The following KIRREL3 variants were observed in gnomAD, a reference collection of about 807,000 sequenced individuals.
KIRREL3 encodes the protein kirre like nephrin family adhesion molecule 3, also known as kin of IRRE-like protein 3.
Under a neutral mutation model 89.7 loss-of-function variants are expected in KIRREL3, and 36 were observed. The ratio of observed to expected loss-of-function variants is 0.40; its 90% CI spans 0.31 to 0.53. KIRREL3 has a LOEUF of 0.53. KIRREL3 is among the 20% of genes least tolerant of loss of function. The probability of loss-of-function intolerance (pLI) is 0.49; values close to 1 mark genes in which losing one functional copy is unlikely to be tolerated. For missense variants in KIRREL3, 864 were observed against 1,056.6 expected (o/e 0.82, Z 2.53); for synonymous variants, 445 against 441.4 (o/e 1.01, Z -0.10).
chr11:126,714,795 C>G (rs1947895302), intron 1 of KIRREL3, among the ~76,000 whole-genome samples: 1 of 152,180 alleles, frequency 6.6e-6, no homozygotes, highest in Non-Finnish European at 1.5e-5. Flanking sequence ...AAACTACTTG[C>G]ATTTGAATCC....
chr11:126,579,626 AC>A lies in KIRREL3; in HGVS notation c.56-16715del, dbSNP rs1555152357. On this transcript the variant is annotated intron_variant, in intron 1 of 16. Coordinates refer to ENST00000525144, the MANE Select transcript of KIRREL3 (RefSeq NM_032531.4). This position sits in a 1 kb window ranked among gnomAD's most constrained non-coding sequence, Gnocchi z 5.3. ...AGGGTACAAAGGAGGCAAATGCACC[AC>A]CTGTGGCCCTAGAGTGGGGAGCATT... Among the ~76,000 whole-genome samples, 1 of 140,352 alleles carries A rather than the reference AC, an allele frequency of 7.1e-6. No homozygotes were observed. Among genetic ancestry groups the A allele is most frequent in the Admixed American group, 7.2e-5 (1 of 13,856 alleles). 92.1% of individuals were successfully genotyped at this position (140,352 alleles called of 152,430 possible). A position where few individuals can be genotyped will look rare whatever the true frequency, so the allele number is the denominator to read the frequency against.
chr11:126,571,934 G>A lies in KIRREL3; in HGVS notation c.56-9022C>T, dbSNP rs1479510564. ...TCATGAAGGCCATTCCTGTCCTCCA[G>A]TCTGTCTTCCACACACCCTGTGAGG... On this transcript the variant is annotated intron_variant, in intron 1 of 16. Coordinates refer to ENST00000525144, the MANE Select transcript of KIRREL3 (RefSeq NM_032531.4). The surrounding 1 kb of genome is among the most constrained non-coding windows in gnomAD (Gnocchi z 7.7). Among the ~76,000 whole-genome samples, 3 of 152,200 alleles carry A rather than the reference G, an allele frequency of 2.0e-5. No individual in the cohort carries two copies. Among genetic ancestry groups the A allele is most frequent in the Non-Finnish European group, 1.5e-5 (1 of 68,034 alleles).
rs944834725 is a variant in KIRREL3, at chr11:126,778,183, A to G, written c.56-215271T>C. On this transcript the variant is annotated intron_variant, in intron 1 of 16. Transcript: ENST00000525144. This position sits in a 1 kb window ranked among gnomAD's most constrained non-coding sequence, Gnocchi z 4.5. ...TCCTACACCCTTTCTAGGGTTGTAT[A>G]TTCATGAGATTCACATGCACATATT... Among the ~76,000 whole-genome samples, 1 of 152,244 alleles carries G rather than the reference A, an allele frequency of 6.6e-6. No homozygotes were observed. Among genetic ancestry groups the G allele is most frequent in the Non-Finnish European group, 1.5e-5 (1 of 68,036 alleles).
In KIRREL3 at chr11:126,904,447, G is replaced by A. The variant is rs1946495371; in HGVS notation, c.55+96008C>T. Among the ~76,000 whole-genome samples, 1 of 152,188 alleles carries A rather than the reference G, an allele frequency of 6.6e-6. No homozygotes were observed. The highest frequency in any genetic ancestry group is 1.5e-5 in the Non-Finnish European group (1 of 68,036). ...ATAGTGCAACTGATAAAAGGAACCT[G>A]CTCCAAAGCAATGTTAACATAGCAG... On this transcript the variant is annotated intron_variant, in intron 1 of 16. Transcript: ENST00000525144. The surrounding 1 kb of genome is among the most constrained non-coding windows in gnomAD (Gnocchi z 4.4).
intron 13 of KIRREL3, among the ~76,000 whole-genome samples, chr11:126,433,122 G>T (rs865933378): frequency 6.6e-6 from 1 of 152,178 alleles, no homozygotes; most frequent in Non-Finnish European, 1.5e-5. Flanking sequence ...CAGGTGATCC[G>T]CCCGCCTCAG....
At chr11:126,437,340 C>T (rs1197189246) in intron 11 of KIRREL3, among the ~76,000 whole-genome samples, 1 of 152,116 alleles carries the variant, frequency 6.6e-6, no homozygotes, top group Non-Finnish European at 1.5e-5. Context: ...TATATACATA[C>T]TACACACACC....
Position 126,641,551 on chromosome 11 carries a change from G to A in KIRREL3, c.56-78639C>T, listed in dbSNP as rs966871234. On this transcript the variant is annotated intron_variant, in intron 1 of 16. Transcript: ENST00000525144. The surrounding 1 kb of genome is among the most constrained non-coding windows in gnomAD (Gnocchi z 5.0). The stretch of plus-strand genomic sequence containing the variant: ...TAGACTGTGAGCAAATAACATTCTG[G>A]CCAGTGGGATATGTCTCACCAATCC... 3.3e-5 allele frequency among the ~76,000 whole-genome samples: 5 copies of A among 151,918 alleles called. No homozygotes were observed.
chr11:126,923,318 TC>T (rs1429071965), intron 1 of KIRREL3, among the ~76,000 whole-genome samples: 1 of 135,656 alleles, frequency 7.4e-6, no homozygotes, highest in Non-Finnish European at 1.6e-5. Flanking sequence ...TTCTCCTTCT[TC>T]CTTCTTCTTC....
chr11:126,733,763 T>A (rs1394305774), intron 1 of KIRREL3, among the ~76,000 whole-genome samples: 1 of 152,212 alleles, frequency 6.6e-6, no homozygotes, highest in African/African-American at 2.4e-5. Context: ...TTCCCTGATA[T>A]GTGTGATTTG....
chr11:126,875,536 G>A (rs143779501), intron 1 of KIRREL3, among the ~76,000 whole-genome samples: 286 of 152,274 alleles, frequency 1.9e-3, no homozygotes, highest in African/African-American at 6.4e-3. Flanking sequence ...CCAGCAGAAG[G>A]CATTAGACAT....
intron 5 of KIRREL3, among the ~76,000 whole-genome samples, chr11:126,467,634 T>TG (rs972652270): frequency 6.9e-6 from 1 of 145,096 alleles, no homozygotes; most frequent in African/African-American, 2.9e-5. Flanking sequence ...GGTCCCTTTT[T>TG]TTTTTTTTTT....
chr11:126,626,409 A>G (rs758918217), intron 1 of KIRREL3, among the ~76,000 whole-genome samples: 5 of 152,252 alleles, frequency 3.3e-5, no homozygotes, highest in South Asian at 4.1e-4. Flanking sequence ...ATATTGAAAC[A>G]TTCAGTAACC....
At position 126,476,872 on chromosome 11, in the gene KIRREL3, C is replaced by T. The variant is rs1957083229; in HGVS notation, c.434-3406G>A. Among the ~76,000 whole-genome samples the T allele has an allele frequency of 1.3e-5, 2 of 152,226 alleles. No homozygotes were observed. Among genetic ancestry groups the T allele is most frequent in the South Asian group, 2.1e-4 (1 of 4,828 alleles). Reference sequence around the variant, plus strand: ...GCTTGGAGATGTATTATTCATCACCCCCTCGCAGGATTGGTTATTATCCTC... The same window carrying T: ...GCTTGGAGATGTATTATTCATCACCTCCTCGCAGGATTGGTTATTATCCTC... On this transcript the variant is annotated intron_variant, in intron 4 of 16. Coordinates refer to ENST00000525144, the MANE Select transcript of KIRREL3 (RefSeq NM_032531.4). This position sits in a 1 kb window ranked among gnomAD's most constrained non-coding sequence, Gnocchi z 6.4.
At chr11:126,453,728 C>A (rs1337027030) in intron 7 of KIRREL3, among the ~76,000 whole-genome samples, 1 of 152,158 alleles carries the variant, frequency 6.6e-6, no homozygotes. Context: ...CTGGCATTAA[C>A]CTGGGGGCCG....
At chr11:126,674,893 G>A (rs142135970) in intron 1 of KIRREL3, among the ~76,000 whole-genome samples, 2 of 152,324 alleles carry the variant, frequency 1.3e-5, no homozygotes, top group Non-Finnish European at 2.9e-5. Context: ...AGGAGATGGC[G>A]TAGTGAGTTT....
chr11:126,816,834 G>C (rs1951588781), intron 1 of KIRREL3, among the ~76,000 whole-genome samples: 1 of 152,142 alleles, frequency 6.6e-6, no homozygotes, highest in Non-Finnish European at 1.5e-5. Context: ...AATCGTTCAG[G>C]AAACAAACGC....
rs1944757297 is a variant in KIRREL3 at position 126,647,971 on chromosome 11, A to G, written c.56-85059T>C. ...CAGTTTGGATTTGTGTCCCCACCCA[A>G]ATGTCATGTCATATTGTAATCCCCA... On this transcript the variant is annotated intron_variant, in intron 1 of 16. Transcript: ENST00000525144. The surrounding 1 kb of genome is among the most constrained non-coding windows in gnomAD (Gnocchi z 4.9). Among the ~76,000 whole-genome samples, 1 of 152,074 alleles carries G rather than the reference A, an allele frequency of 6.6e-6. No individual in the cohort carries two copies.
Position 126,557,683 on chromosome 11 carries a change from C to T in KIRREL3, c.133+5152G>A, listed in dbSNP as rs60981061. ...AGGGTGCATAAAGAACAGGCTCTCA[C>T]GCCATCATAAAGAACTTTAGAGCTG... On this transcript the variant is annotated intron_variant, in intron 2 of 16. Transcript: ENST00000525144. The surrounding 1 kb of genome is among the most constrained non-coding windows in gnomAD (Gnocchi z 5.6). Among the ~76,000 whole-genome samples the T allele has an allele frequency of 3.1e-3, 479 of 152,292 alleles. 2 individuals carry two copies. Among genetic ancestry groups the T allele is most frequent in the African/African-American group, 0.011 (453 of 41,556 alleles).
intron 11 of KIRREL3, among the ~76,000 whole-genome samples, 162 bp from the exon 12 acceptor site, chr11:126,437,171 C>A (rs944119840): frequency 6.6e-6 from 1 of 152,182 alleles, no homozygotes; most frequent in Admixed American, 6.5e-5. Flanking sequence ...CCACACACCA[C>A]AAATATGCAC....
Sources: allele counts gnomAD v4.1 joint callset (sites outside exome capture counted in the v4.1 genomes callset), GRCh38; gene constraint gnomAD v4.1.1; non-coding constraint Gnocchi (gnomAD v3.1); transcripts MANE v1.5; gene names NCBI Gene and HGNC (gene_info 2026-07-23, HGNC 2026-07-21).